Variants in SPHKAP observed in about 807,000 individuals in gnomAD.
SPHKAP encodes A-kinase anchor protein SPHKAP.
Under a neutral mutation model 137.5 loss-of-function variants are expected in SPHKAP, and 67 were observed. The observed-to-expected ratio is 0.49, with a 90% CI of 0.40 to 0.60. The LOEUF is 0.60. Ranked by LOEUF, SPHKAP falls within the 20% of genes least tolerant of loss-of-function variation. The probability of loss-of-function intolerance (pLI) is 0.00; values close to 1 mark genes in which losing one functional copy is unlikely to be tolerated. For missense variants in SPHKAP, 2,097 were observed against 2,069.3 expected (o/e 1.01, Z -0.26); for synonymous variants, 813 against 785.3 (o/e 1.04, Z -0.59).
chr2:228,070,363 G>C (rs61576369), intron 3 of SPHKAP, among the ~76,000 whole-genome samples: 1 of 152,162 alleles, frequency 6.6e-6, no homozygotes, highest in Non-Finnish European at 1.5e-5. Context: ...TAGAGGAGGC[G>C]GAAGGGGAGG....
chr2:228,016,346 C>T, intron 7 of SPHKAP, 60 bp downstream of exon 7: 1 of 1,489,482 alleles, frequency 6.7e-7, no homozygotes, highest in African/African-American at 1.4e-5. Flanking sequence ...AGACTAAACA[C>T]TGATTAAGAC....
intron 3 of SPHKAP, among the ~76,000 whole-genome samples, chr2:228,082,898 T>G (rs933935026): frequency 6.6e-6 from 1 of 152,180 alleles, no homozygotes; most frequent in African/African-American, 2.4e-5. Context: ...TTGAAGTGAT[T>G]CATGAAGTCA....
chr2:228,056,736 A>T (rs1448311244), intron 3 of SPHKAP, among the ~76,000 whole-genome samples: 4 of 152,208 alleles, frequency 2.6e-5, no homozygotes, highest in Non-Finnish European at 4.4e-5. Context: ...ACCAACTATC[A>T]GACAACTTTA....
At chr2:228,076,099 C>CT (rs1559160070) in intron 3 of SPHKAP, among the ~76,000 whole-genome samples, 2 of 152,128 alleles carry the variant, frequency 1.3e-5, no homozygotes, top group Non-Finnish European at 1.5e-5. Context: ...CTGCACAAGC[C>CT]CTCTTTGCCT....
At chr2:228,044,341 G>T (rs545912702) in intron 3 of SPHKAP, among the ~76,000 whole-genome samples, 26 of 152,226 alleles carry the variant, frequency 1.7e-4, no homozygotes, top group African/African-American at 6.0e-4. Context: ...TGCAGGAGAG[G>T]TGCTTCTTTT....
At chr2:228,153,326 AT>A (rs1487648405) in intron 1 of SPHKAP, among the ~76,000 whole-genome samples, 1 of 151,892 alleles carries the variant, frequency 6.6e-6, no homozygotes, top group African/African-American at 2.4e-5. Flanking sequence ...AACTTTCTTC[AT>A]TTTTTATTTC....
At position 228,105,770 on chromosome 2, in the gene SPHKAP, C is replaced by T. The variant is rs188956257; in HGVS notation, c.246+3062G>A. On this transcript the variant is annotated intron_variant, in intron 3 of 11. Transcript: ENST00000392056. ...TTTGCTTGGTTCTCATTTTCTCTTG[C>T]CTGCCACCATATGAGTTGTGCCTTT... 1.7e-3 allele frequency among the ~76,000 whole-genome samples: 258 copies of T among 152,220 alleles called. 2 individuals carry two copies. The highest frequency in any genetic ancestry group is 2.1e-3 in the Non-Finnish European group (140 of 68,028).
In SPHKAP at chr2:228,124,600, G is replaced by A. The variant is rs933553430; in HGVS notation, c.138+7380C>T. Among the ~76,000 whole-genome samples the A allele has an allele frequency of 4.7e-5, 7 of 148,488 alleles. No homozygotes were observed. In the East Asian group the frequency reaches 1.2e-3, roughly 26 times the overall value. ...GCCTGTCGTGGGGTGGGGGGAGGGG[G>A]GAGAGATAGCATTAGGAGATATACC... On this transcript the variant is annotated intron_variant, in intron 2 of 11. Coordinates refer to ENST00000392056, the MANE Select transcript of SPHKAP (RefSeq NM_001142644.2).
chr2:228,109,632 G>T (rs1698453191), intron 2 of SPHKAP, among the ~76,000 whole-genome samples: 1 of 152,148 alleles, frequency 6.6e-6, no homozygotes, highest in Admixed American at 6.6e-5. Flanking sequence ...GAGATATTTT[G>T]AAGATGAAAT....
intron 8 of SPHKAP, 120 bp downstream of exon 8, chr2:227,995,389 C>T (rs1357883855): frequency 1.3e-5 from 16 of 1,249,768 alleles, no homozygotes; most frequent in Non-Finnish European, 1.8e-5. Flanking sequence ...TGGGAACTTT[C>T]CTTTTTTTGT....
chr2:228,084,172 A>G (rs1269403911), intron 3 of SPHKAP, among the ~76,000 whole-genome samples: 2 of 151,970 alleles, frequency 1.3e-5, no homozygotes, highest in African/African-American at 2.4e-5. Context: ...TGTTTAAAAA[A>G]CCTTCTGTCA....
At chr2:228,076,432 A>G (rs1697186513) in intron 3 of SPHKAP, among the ~76,000 whole-genome samples, 1 of 152,340 alleles carries the variant, frequency 6.6e-6, no homozygotes, top group African/African-American at 2.4e-5. Context: ...GACTTGTTGA[A>G]TGACTTTGAC....
chr2:228,094,065 G>A (rs1308145243), intron 3 of SPHKAP, among the ~76,000 whole-genome samples: 1 of 151,734 alleles, frequency 6.6e-6, no homozygotes, highest in Non-Finnish European at 1.5e-5. Context: ...TAAATATCTA[G>A]GTATTTTTTT....
chr2:228,076,053 T>C (rs1697171742), intron 3 of SPHKAP, among the ~76,000 whole-genome samples: 2 of 152,174 alleles, frequency 1.3e-5, no homozygotes, highest in African/African-American at 4.8e-5. Flanking sequence ...TGAATGAGTC[T>C]CATGAGGTCT....
chr2:228,093,029 T>C (rs1404671057), intron 3 of SPHKAP, among the ~76,000 whole-genome samples: 1 of 151,870 alleles, frequency 6.6e-6, no homozygotes, highest in Non-Finnish European at 1.5e-5. Flanking sequence ...TGTAACCAAA[T>C]ACCAACTGTT....
intron 1 of SPHKAP, among the ~76,000 whole-genome samples, chr2:228,154,880 C>T (rs1485061539): frequency 2.0e-5 from 3 of 151,454 alleles, no homozygotes; most frequent in Non-Finnish European, 2.9e-5. Context: ...ATTTTTAAGC[C>T]CATTACCCAT....
chr2:228,100,716 T>G (rs1368933726), intron 3 of SPHKAP, among the ~76,000 whole-genome samples: 1 of 152,168 alleles, frequency 6.6e-6, no homozygotes, highest in Non-Finnish European at 1.5e-5. Flanking sequence ...TGAATCAACT[T>G]TTTGGTGTGC....
chr2:228,106,262 C>T (rs188554747), intron 3 of SPHKAP, among the ~76,000 whole-genome samples: 1 of 152,192 alleles, frequency 6.6e-6, no homozygotes, highest in Admixed American at 6.5e-5. Flanking sequence ...TCAAAGAAAC[C>T]ACACATCTAA....
chr2:228,137,386 G>A (rs992381474), intron 1 of SPHKAP, among the ~76,000 whole-genome samples: 1 of 152,180 alleles, frequency 6.6e-6, no homozygotes, highest in Non-Finnish European at 1.5e-5. Context: ...TAAATTTTCT[G>A]CAGTGCTGAC....
Sources: allele counts gnomAD v4.1 joint callset (sites outside exome capture counted in the v4.1 genomes callset), GRCh38; gene constraint gnomAD v4.1.1; transcripts MANE v1.5; gene names NCBI Gene and HGNC (gene_info 2026-07-23, HGNC 2026-07-21).